ALPP: variants seen among roughly 807,000 people sequenced by gnomAD.
ALPP encodes the protein alkaline phosphatase, placental, also known as alkaline phosphatase, placental type.
A neutral mutation model predicts 50.7 loss-of-function variants in ALPP; 39 were observed. The observed-to-expected ratio is 0.77, with a 90% CI of 0.60 to 1.00. The LOEUF (loss-of-function observed/expected upper bound fraction) is 1.00. Among genes scored for constraint, ALPP ranks in the 50% least tolerant of loss-of-function variants. ALPP has a pLI of 0.00. For missense variants in ALPP, 550 were observed against 746.8 expected (o/e 0.74, Z 3.07); for synonymous variants, 226 against 320.3 (o/e 0.71, Z 3.14).
Position 232,379,825 on chromosome 2 carries a change from C to G in ALPP, c.546C>G (p.Tyr182Ter), listed in dbSNP as rs757845998. Residue 182 changes from tyrosine to a stop codon, truncating the protein, a stop_gained, in exon 5 of 11, where the codon TAC becomes TAG. Transcript: ENST00000392027. LOFTEE classifies it high-confidence loss of function. ...RVQHASPAGTYAHTVNRNWYS... is the reference protein window; with the variant it reads ...RVQHASPAGT ...AGCACGCCTCGCCAGCCGGCACCTA[C>G]GCCCACACGGTGAACCGCAACTGGT... 1.2e-6 allele frequency: 2 copies of G among 1,613,874 alleles called. No homozygotes were observed. Among genetic ancestry groups the G allele is most frequent in the Admixed American group, 3.3e-5 (2 of 60,032 alleles).
Position 232,378,898 on chromosome 2 carries a change from T to G in ALPP, c.76+20T>G, listed in dbSNP as rs1331161234. 6.2e-7 allele frequency: 1 copy of G among 1,612,026 alleles called. No individual in the cohort carries two copies. Among genetic ancestry groups the G allele is most frequent in the South Asian group, 1.1e-5 (1 of 91,032 alleles). ...TCCCAGGTAATGAGGCTCCCCGAGC[T>G]GCCCCTACACAACACACACACAGGG... On this transcript the variant is annotated intron_variant, in intron 1 of 10. Coordinates refer to ENST00000392027, the MANE Select transcript of ALPP (RefSeq NM_001632.5).
chr2:232,382,158 T>A lies in ALPP; in HGVS notation c.*363T>A. The A allele has an allele frequency of 8.5e-6, 3 of 352,220 alleles. No homozygotes were observed. Among genetic ancestry groups the A allele is most frequent in the East Asian group, 5.8e-5 (1 of 17,328 alleles). 21.8% of individuals were successfully genotyped at this position (352,220 alleles called of 1,614,324 possible). ...ACCCAGACCCCGCGCCCCGCTGATC[T>A]TTGCTTCAGTCCTTGAATCACCTGT... On this transcript the variant is annotated 3_prime_UTR_variant, in exon 11 of 11. Coordinates refer to ENST00000392027, the MANE Select transcript of ALPP (RefSeq NM_001632.5).
Position 232,381,556 on chromosome 2 carries a change from G to A in ALPP, c.1369G>A (p.Glu457Lys), listed in dbSNP as rs1218693728. 3 of 1,613,006 alleles carry A rather than the reference G, an allele frequency of 1.9e-6. No homozygotes were observed. Among genetic ancestry groups the A allele is most frequent in the Non-Finnish European group, 2.5e-6 (3 of 1,179,828 alleles). ...CCTGGACGAAGAGACCCACGCAGGC[G>A]AGGACGTGGCGGTGTTCGCGCGCGG... ...VPLDEETHAG[E>K]DVAVFARGPQ... The change falls in exon 11 of 11, where the codon GAG becomes AAG. Residue 457 changes from glutamate to lysine, a missense_variant. Glu to Lys is a moderately conservative substitution (Grantham distance 56, BLOSUM62 1). Around this residue, in one of 5 missense-constraint regions of ALPP, gnomAD observed 155 missense variants for 167.6 expected, o/e 0.92. Transcript: ENST00000392027.
At chr2:232,380,366 G>A (rs746073752) in intron 6 of ALPP, 46 bp downstream of exon 6, 9 of 1,613,260 alleles carry the variant, frequency 5.6e-6, no homozygotes, top group African/African-American at 1.3e-5. Context: ...GGGGAGGGCA[G>A]AGGTGTGGGG....
intron 3 of ALPP, 74 bp downstream of exon 3, chr2:232,379,389 G>A (rs1696660586): frequency 1.9e-6 from 3 of 1,593,652 alleles, no homozygotes; most frequent in Non-Finnish European, 2.6e-6. Flanking sequence ...GTAGGAGGGA[G>A]GGACCCTAAA....
intron 1 of ALPP, 34 bp downstream of exon 1, chr2:232,378,912 A>G: frequency 6.2e-7 from 1 of 1,613,388 alleles, no homozygotes; most frequent in Non-Finnish European, 8.5e-7. Context: ...CCTACACAAC[A>G]CACACACAGG....
intron 5 of ALPP, 81 bp downstream of exon 5, chr2:232,380,017 G>C: frequency 6.4e-7 from 1 of 1,561,946 alleles, no homozygotes; most frequent in Non-Finnish European, 8.7e-7. Flanking sequence ...GCAACCAAAA[G>C]CCTTATCTGG....
intron 2 of ALPP, 28 bp downstream of exon 2, chr2:232,379,115 C>T: frequency 6.2e-7 from 1 of 1,614,114 alleles, no homozygotes; most frequent in Non-Finnish European, 8.5e-7. Flanking sequence ...TCCAGCCCTG[C>T]AGCCCTCACA....
rs13026692 is a variant in ALPP at position 232,379,271 on chromosome 2, A to T, written c.265A>T (p.Ile89Leu). The stretch of plus-strand genomic sequence containing the variant: ...GAAGAAGGACAAACTGGGGCCTGAG[A>T]TACCCCTGGCCATGGACCGCTTCCC... ...GQKKDKLGPE[I>L]PLAMDRFPYV... is the part of the protein sequence containing the mutation. Residue 89 changes from isoleucine to leucine, a missense_variant, in exon 3 of 11, where the codon ATA becomes TTA. By Grantham distance (5) the Ile-to-Leu change is conservative. Around this residue, in one of 5 missense-constraint regions of ALPP, gnomAD observed 376 missense variants for 388.5 expected, o/e 0.97. Transcript: ENST00000392027. 0.33 allele frequency: 532,781 copies of T among 1,613,634 alleles called. 90,629 individuals carry two copies. Among genetic ancestry groups the T allele is most frequent in the East Asian group, 0.49 (22,178 of 44,844 alleles).
In ALPP at chr2:232,380,573, A is replaced by G. The variant is rs562847125; in HGVS notation, c.866-50A>G. The G allele has an allele frequency of 1.2e-5, 20 of 1,612,980 alleles. No homozygotes were observed. The South Asian group carries it at 1.6e-4, about 13-fold the overall frequency. On this transcript the variant is annotated intron_variant, in intron 7 of 10. Coordinates refer to ENST00000392027, the MANE Select transcript of ALPP (RefSeq NM_001632.5). ...TGAGCCTGTGTGCACATCCGCCAGCACCCGCCCACCCCCAGCCTGCCAGTC... is the reference window on the plus strand; with the variant it reads ...TGAGCCTGTGTGCACATCCGCCAGCGCCCGCCCACCCCCAGCCTGCCAGTC...
Position 232,381,579 on chromosome 2 carries a change from C to T in ALPP, c.1392C>T (p.Arg464=). Reference sequence around the variant, plus strand: ...GCGAGGACGTGGCGGTGTTCGCGCGCGGCCCGCAGGCGCACCTGGTTCACG... The same window carrying T: ...GCGAGGACGTGGCGGTGTTCGCGCGTGGCCCGCAGGCGCACCTGGTTCACG... ...HAGEDVAVFA[R]GPQAHLVHGV... The change falls in exon 11 of 11, where the codon CGC becomes CGT. Residue 464 remains arginine (R), a synonymous_variant. Coordinates refer to ENST00000392027, the MANE Select transcript of ALPP (RefSeq NM_001632.5). The T allele has an allele frequency of 6.2e-7, 1 of 1,612,772 alleles. No individual in the cohort carries two copies. Among genetic ancestry groups the T allele is most frequent in the Non-Finnish European group, 8.5e-7 (1 of 1,179,728 alleles).
In ALPP at chr2:232,379,323, CTGGGCT is replaced by C; in HGVS notation, c.309+9_309+14del. On this transcript the variant is annotated intron_variant, in intron 3 of 10. Coordinates refer to ENST00000392027, the MANE Select transcript of ALPP (RefSeq NM_001632.5). Reference sequence around the variant, plus strand: ...TATGTGGCTCTGTCCAAGGTAAGTGCTGGGCTACCTTAGAGTCCTCCAAGCACAGAA... The same window carrying C: ...TATGTGGCTCTGTCCAAGGTAAGTGCACCTTAGAGTCCTCCAAGCACAGAA... 1 of 1,613,766 alleles carries C rather than the reference CTGGGCT, an allele frequency of 6.2e-7. No individual in the cohort carries two copies. Among genetic ancestry groups the C allele is most frequent in the Non-Finnish European group, 8.5e-7 (1 of 1,179,810 alleles).
chr2:232,379,944 C>A lies in ALPP; in HGVS notation c.657+8C>A. ...TCCAACATGGACATTGACGTGCGAC[C>A]CCCAGGCCAAGGGCTGGGGCTGGGC... On this transcript the variant is annotated splice_region_variant and intron_variant, in intron 5 of 10. Transcript: ENST00000392027. The A allele has an allele frequency of 6.3e-7, 1 of 1,599,218 alleles. No homozygotes were observed. Among genetic ancestry groups the A allele is most frequent in the Non-Finnish European group, 8.5e-7 (1 of 1,172,504 alleles).
chr2:232,379,587 C>T lies in ALPP; in HGVS notation c.384C>T (p.Asn128=). 1 of 1,614,124 alleles carries T rather than the reference C, an allele frequency of 6.2e-7. No individual in the cohort carries two copies. The highest frequency in any genetic ancestry group is 8.5e-7 in the Non-Finnish European group (1 of 1,180,034). Residue 128 remains asparagine, a synonymous_variant, in exon 4 of 11, where the codon AAC becomes AAT. Transcript: ENST00000392027. ...ATAYLCGVKG[N]FQTIGLSAAA... is the part of the protein sequence containing the mutation. ...CCTACCTGTGCGGGGTCAAGGGCAA[C>T]TTCCAGACCATTGGCTTGAGTGCAG...
intron 5 of ALPP, 78 bp from the exon 6 acceptor site, chr2:232,380,108 A>C: frequency 6.2e-7 from 1 of 1,605,740 alleles, no homozygotes. Context: ...TGGGGAGGGG[A>C]GTCAGGGGCT....
In ALPP at chr2:232,379,967, G is replaced by T. The variant is rs372567488; in HGVS notation, c.657+31G>T. The T allele has an allele frequency of 3.5e-5, 56 of 1,586,190 alleles. No homozygotes were observed. In the African/African-American group the frequency reaches 6.8e-4, roughly 19 times the overall value. On this transcript the variant is annotated intron_variant, in intron 5 of 10. Coordinates refer to ENST00000392027, the MANE Select transcript of ALPP (RefSeq NM_001632.5). ...ACCCCCAGGCCAAGGGCTGGGGCTG[G>T]GCAGAGAGTAGCAGGGAGGGGGCAC... is the stretch of plus-strand genomic sequence containing the variant.
rs945259166 is a variant in ALPP at position 232,381,834 on chromosome 2, G to A, written c.*39G>A. ...GGGGCTCCTGCTTCCCCATCCCGGA[G>A]TTCTCCTGCTCCCCACCTCCTGTCG... On this transcript the variant is annotated 3_prime_UTR_variant, in exon 11 of 11. Transcript: ENST00000392027. 6 of 1,529,266 alleles carry A rather than the reference G, an allele frequency of 3.9e-6. No homozygotes were observed. In the Admixed American group the frequency reaches 5.9e-5, roughly 15 times the overall value. 94.7% of individuals were successfully genotyped at this position (1,529,266 alleles called of 1,614,324 possible).
Position 232,382,384 on chromosome 2 carries a change from C to A in ALPP, c.*589C>A. The A allele has an allele frequency of 6.4e-6, 1 of 155,142 alleles. No homozygotes were observed. 9.6% of individuals were successfully genotyped at this position (155,142 alleles called of 1,614,324 possible). ...CATGGCAAAGGCTTGCCCCAAATCT[C>A]AACTTCTCAGACGTTCCATACCCCC... On this transcript the variant is annotated 3_prime_UTR_variant, in exon 11 of 11. Transcript: ENST00000392027.
rs369220345 is a variant in ALPP at position 232,380,138 on chromosome 2, G to C, written c.658-48G>C. Reference sequence around the variant, plus strand: ...GGGGCTGTGCATGAGGAGGGGGCACGGGGCCAGCCAGGGCCCCAAATCCAC... The same window carrying C: ...GGGGCTGTGCATGAGGAGGGGGCACCGGGCCAGCCAGGGCCCCAAATCCAC... On this transcript the variant is annotated intron_variant, in intron 5 of 10. Transcript: ENST00000392027. 1.2e-6 allele frequency: 2 copies of C among 1,613,206 alleles called. 1 individual carries two copies. The highest frequency in any genetic ancestry group is 1.7e-6 in the Non-Finnish European group (2 of 1,179,436).
Sources: allele counts gnomAD v4.1 joint callset, GRCh38; gene constraint gnomAD v4.1.1; regional missense constraint gnomAD v4.1.1; transcripts MANE v1.5; gene names NCBI Gene and HGNC (gene_info 2026-07-23, HGNC 2026-07-21).